The following NSD1 variants were observed in gnomAD, a reference collection of about 807,000 sequenced individuals.
NSD1 encodes the protein nuclear receptor binding SET domain protein 1.
Under a neutral mutation model 242.7 loss-of-function variants are expected in NSD1, and 26 were observed. The observed-to-expected ratio is 0.11, with a 90% CI of 0.08 to 0.15. NSD1 has a LOEUF of 0.15. NSD1 is among the 10% of genes least tolerant of loss of function. NSD1 has a pLI of 1.00. For missense variants in NSD1, 2,495 were observed against 3,272.8 expected (o/e 0.76, Z 5.80); for synonymous variants, 1,106 against 1,178.1 (o/e 0.94, Z 1.25).
At chr5:177,265,540 T>G (rs1757359112) in intron 14 of NSD1, 7 of 841,166 alleles carry the variant, frequency 8.3e-6, no homozygotes, top group Admixed American at 8.1e-5. Context: ...GCTCAGCCCC[T>G]GGGCCCGTGC....
At chr5:177,192,089 A>G in intron 3 of NSD1, 70 bp downstream of exon 3, 2 of 1,297,950 alleles carry the variant, frequency 1.5e-6, no homozygotes, top group Admixed American at 2.3e-5. Flanking sequence ...TGTTATCTTA[A>G]TAATAATATA....
chr5:177,276,758 C>G (rs1758421171), intron 17 of NSD1, among the ~76,000 whole-genome samples: 1 of 152,072 alleles, frequency 6.6e-6, no homozygotes, highest in South Asian at 2.1e-4. Context: ...GCATGAGCTG[C>G]CACTCCTGGC....
intron 2 of NSD1, among the ~76,000 whole-genome samples, chr5:177,174,825 A>G (rs1004526990): frequency 1.4e-5 from 2 of 147,600 alleles, no homozygotes; most frequent in Admixed American, 1.4e-4. Context: ...GGCCTCCCAA[A>G]GTGCTGGGAT....
At chr5:177,229,691 A>G in intron 5 of NSD1, 1 of 360,992 alleles carries the variant, frequency 2.8e-6, no homozygotes, top group Non-Finnish European at 5.4e-6. Flanking sequence ...GGGGTAGTTG[A>G]GGCAAGGAAG....
In NSD1 at chr5:177,257,376, G is replaced by A. The variant is rs558889666; in HGVS notation, c.4966+225G>A. 2.0e-5 allele frequency among the ~76,000 whole-genome samples: 3 copies of A among 151,682 alleles called. No individual in the cohort carries two copies. The South Asian group carries it at 6.3e-4, about 32-fold the overall frequency. ...CTCCTGAGTAGCTGGGACTACAGGCGCCTGCCACCATGCCTGGCTAATTTT... is the reference window on the plus strand; with the variant it reads ...CTCCTGAGTAGCTGGGACTACAGGCACCTGCCACCATGCCTGGCTAATTTT... On this transcript the variant is annotated intron_variant, in intron 13 of 22. Coordinates refer to ENST00000439151, the MANE Select transcript of NSD1 (RefSeq NM_022455.5).
intron 2 of NSD1, among the ~76,000 whole-genome samples, chr5:177,179,945 G>T (rs1189816712): frequency 2.0e-5 from 3 of 151,926 alleles, no homozygotes; most frequent in African/African-American, 7.2e-5. Flanking sequence ...CTGTCGCTCA[G>T]GCTGGGGTGC....
chr5:177,197,078 C>G (rs1762155308), intron 3 of NSD1, among the ~76,000 whole-genome samples: 2 of 151,390 alleles, frequency 1.3e-5, no homozygotes, highest in South Asian at 4.2e-4. Flanking sequence ...GCCAGCCTGG[C>G]CAACATGGTG....
At chr5:177,160,602 C>G (rs887244674) in intron 2 of NSD1, among the ~76,000 whole-genome samples, 2 of 152,028 alleles carry the variant, frequency 1.3e-5, no homozygotes, top group African/African-American at 4.8e-5. Context: ...TGTGCCCCGC[C>G]TGCAATTACT....
At chr5:177,204,639 G>C (rs569877305) in intron 4 of NSD1, among the ~76,000 whole-genome samples, 2 of 152,216 alleles carry the variant, frequency 1.3e-5, no homozygotes, top group South Asian at 4.2e-4. Context: ...TGCCTGGCCC[G>C]GCCTTTTAAA....
intron 8 of NSD1, among the ~76,000 whole-genome samples, chr5:177,241,158 T>C (rs1765827350): frequency 6.6e-6 from 1 of 151,834 alleles, no homozygotes; most frequent in Admixed American, 6.6e-5. Context: ...AGTTTTGTTC[T>C]CCCCCATATT....
At chr5:177,206,677 C>T (rs541069778) in intron 4 of NSD1, among the ~76,000 whole-genome samples, 1 of 152,136 alleles carries the variant, frequency 6.6e-6, no homozygotes, top group Non-Finnish European at 1.5e-5. Flanking sequence ...AAGAGGTTAA[C>T]GGCTTCCTTT....
At chr5:177,194,543 G>A (rs761004150) in intron 3 of NSD1, among the ~76,000 whole-genome samples, 33 of 146,636 alleles carry the variant, frequency 2.3e-4, no homozygotes, top group Non-Finnish European at 3.7e-4. Context: ...TTGGCCTTCC[G>A]GAGTGCTGGA....
chr5:177,182,869 C>T (rs1053233463), intron 2 of NSD1, among the ~76,000 whole-genome samples: 5 of 152,174 alleles, frequency 3.3e-5, no homozygotes, highest in Non-Finnish European at 7.3e-5. Context: ...AACTCCTGAC[C>T]TCAGGTGATC....
intron 3 of NSD1, among the ~76,000 whole-genome samples, chr5:177,200,978 C>T (rs960324207): frequency 6.6e-6 from 1 of 151,660 alleles, no homozygotes; most frequent in Non-Finnish European, 1.5e-5. Context: ...CTCACTGCAA[C>T]TTCTGTCTCC....
At chr5:177,280,876 A>C in intron 18 of NSD1, 42 bp downstream of exon 18, 1 of 1,599,052 alleles carries the variant, frequency 6.3e-7, no homozygotes, top group Non-Finnish European at 8.6e-7. Flanking sequence ...TCCTCTTTGC[A>C]GTTGCTTGAT....
In NSD1 at chr5:177,202,245, TAA is replaced by T. The variant is rs576082151; in HGVS notation, c.1064-1874_1064-1873del. ...TAATTGAGTGGTTTTTTTTAAGAAATAAGTGTTTATTTTTGCAGTTGTCATGC... is the reference window on the plus strand; with the variant it reads ...TAATTGAGTGGTTTTTTTTAAGAAATGTGTTTATTTTTGCAGTTGTCATGC... On this transcript the variant is annotated intron_variant, in intron 3 of 22. Transcript: ENST00000439151. Among the ~76,000 whole-genome samples, 1,043 of 152,092 alleles carry T rather than the reference TAA, an allele frequency of 6.9e-3. 10 individuals carry two copies. Among genetic ancestry groups the T allele is most frequent in the Non-Finnish European group, 0.012 (785 of 67,958 alleles).
chr5:177,175,826 G>A (rs1340164117), intron 2 of NSD1, among the ~76,000 whole-genome samples: 5 of 151,672 alleles, frequency 3.3e-5, no homozygotes, highest in Admixed American at 6.6e-5. Context: ...ATCCTGTTTC[G>A]ATTTTACAAC....
chr5:177,265,946 G>T, intron 14 of NSD1: 2 of 1,267,164 alleles, frequency 1.6e-6, no homozygotes, highest in South Asian at 1.2e-5. Flanking sequence ...TATGAGGCAG[G>T]CGTTGGTAAC....
In NSD1 at chr5:177,209,853, A is replaced by C. The variant is rs780603145; in HGVS notation, c.1454A>C (p.His485Pro). 6.2e-7 allele frequency: 1 copy of C among 1,614,218 alleles called. No homozygotes were observed. Among genetic ancestry groups the C allele is most frequent in the Middle Eastern group, 1.6e-4 (1 of 6,062 alleles). Residue 485 changes from histidine to proline, a missense_variant, in exon 5 of 23, where the codon CAT becomes CCT. By Grantham distance (77) the His-to-Pro change is moderately conservative (BLOSUM62 -2). Coordinates refer to ENST00000439151, the MANE Select transcript of NSD1 (RefSeq NM_022455.5). ...CLKSLAFDSE[H>P]SADEKEKPCA... The stretch of plus-strand genomic sequence containing the variant: ...AAATCACTGGCTTTTGATTCTGAAC[A>C]TTCTGCAGATGAGAAGGAAAAGCCT...
Sources: allele counts gnomAD v4.1 joint callset (sites outside exome capture counted in the v4.1 genomes callset), GRCh38; gene constraint gnomAD v4.1.1; transcripts MANE v1.5; gene names NCBI Gene and HGNC (gene_info 2026-07-23, HGNC 2026-07-21).